Variants in THUMPD2 observed in about 807,000 individuals in gnomAD.
THUMPD2 encodes U6 snRNA (guanine-N(2))-methyltransferase THUMPD2.
A neutral mutation model predicts 49.4 loss-of-function variants in THUMPD2; 56 were observed. The ratio of observed to expected loss-of-function variants is 1.13; its 90% confidence interval spans 0.91 to 1.41. The LOEUF (loss-of-function observed/expected upper bound fraction) is 1.41, where lower values mean the gene tolerates loss of function less well. THUMPD2 is among the 40% of genes most tolerant of loss of function. THUMPD2 has a pLI of 0.00. For synonymous variants in THUMPD2, 237 were observed against 205.2 expected (o/e 1.15, Z -1.32); for missense variants, 709 against 594.5 (o/e 1.19, Z -2.00).
rs534634859 is a variant in THUMPD2 at position 39,744,727 on chromosome 2, T to C, written c.1079-249A>G. The C allele has an allele frequency of 1.9e-5, 5 of 265,484 alleles. No individual in the cohort carries two copies. In the South Asian group the frequency reaches 4.4e-4, roughly 24 times the overall value. The allele number at this position is 265,484 out of a possible 1,614,324, so 16.4% of individuals were successfully genotyped here. ...ACAATAAAATGTAAGTTAAGCAGAA[T>C]TTTACATTAGCCAGAAAACTCAATT... On this transcript the variant is annotated intron_variant, in intron 8 of 9. Coordinates refer to ENST00000505747, the MANE Select transcript of THUMPD2 (RefSeq NM_025264.5).
intron 3 of THUMPD2, chr2:39,768,791 A>G: frequency 2.3e-6 from 2 of 854,982 alleles, no homozygotes; most frequent in Non-Finnish European, 3.3e-6. Context: ...GACCTGATAA[A>G]TATGATCATT....
At chr2:39,756,472 C>CA (rs11311927) in intron 6 of THUMPD2, among the ~76,000 whole-genome samples, 2,503 of 101,928 alleles carry the variant, frequency 0.025, 37 homozygotes, top group African/African-American at 0.056. Context: ...GACTCCATCT[C>CA]AAAAAAAAAA....
intron 6 of THUMPD2, among the ~76,000 whole-genome samples, chr2:39,759,252 G>A (rs1380846654): frequency 2.0e-5 from 3 of 151,788 alleles, no homozygotes; most frequent in South Asian, 2.1e-4. Flanking sequence ...GCTTAGGCCG[G>A]AGAAGTAAAA....
intron 5 of THUMPD2, among the ~76,000 whole-genome samples, chr2:39,764,815 A>C (rs894504560): frequency 2.6e-5 from 4 of 152,186 alleles, no homozygotes; most frequent in African/African-American, 9.6e-5. Flanking sequence ...CAAACTGACT[A>C]AACACAGAGC....
chr2:39,764,595 T>C (rs955319787), intron 5 of THUMPD2, among the ~76,000 whole-genome samples: 2 of 152,236 alleles, frequency 1.3e-5, no homozygotes, highest in African/African-American at 4.8e-5. Flanking sequence ...ATCCTTTAAC[T>C]TCATGGTGCT....
At chr2:39,738,263 A>G (rs1488828600) in intron 9 of THUMPD2, among the ~76,000 whole-genome samples, 1 of 152,348 alleles carries the variant, frequency 6.6e-6, no homozygotes, top group East Asian at 1.9e-4. Context: ...AACAGTTTCA[A>G]CAGTGTCAAA....
At chr2:39,748,954 C>G (rs938104379) in intron 8 of THUMPD2, among the ~76,000 whole-genome samples, 2 of 151,786 alleles carry the variant, frequency 1.3e-5, no homozygotes, top group African/African-American at 4.8e-5. Flanking sequence ...CCACTACACT[C>G]TAGCCTGGGT....
At chr2:39,756,215 A>G (rs567606126) in intron 6 of THUMPD2, among the ~76,000 whole-genome samples, 2 of 152,286 alleles carry the variant, frequency 1.3e-5, no homozygotes, top group East Asian at 3.9e-4. Context: ...AATGGAATCC[A>G]GCACACAAGT....
In THUMPD2 at chr2:39,758,416, C is replaced by T. The variant is rs528668400; in HGVS notation, c.892-2456G>A. Among the ~76,000 whole-genome samples the T allele has an allele frequency of 2.0e-5, 3 of 152,238 alleles. No individual in the cohort carries two copies. The East Asian group carries it at 5.8e-4, about 29-fold the overall frequency. On this transcript the variant is annotated intron_variant, in intron 6 of 9. Coordinates refer to ENST00000505747, the MANE Select transcript of THUMPD2 (RefSeq NM_025264.5). ...GATGCTCAGACCTAGAGGCAACTGGCGCTAAGAGAAGCCCTAGGCTCTGTC... is the reference window on the plus strand; with the variant it reads ...GATGCTCAGACCTAGAGGCAACTGGTGCTAAGAGAAGCCCTAGGCTCTGTC...
In THUMPD2 at chr2:39,755,871, C is replaced by A. The variant is rs777576324; in HGVS notation, c.963+18G>T. On this transcript the variant is annotated intron_variant, in intron 7 of 9. Coordinates refer to ENST00000505747, the MANE Select transcript of THUMPD2 (RefSeq NM_025264.5). The stretch of plus-strand genomic sequence containing the variant: ...TAAAGTAGATAAATTGCTTGCTTTA[C>A]CAAACTTTAGAACTTACTGGCCATT... 107 of 1,612,300 alleles carry A rather than the reference C, an allele frequency of 6.6e-5. 1 individual carries two copies. In the Admixed American group the frequency reaches 1.8e-3, roughly 27 times the overall value.
At chr2:39,740,480 C>T (rs1383022977) in intron 9 of THUMPD2, among the ~76,000 whole-genome samples, 1 of 152,118 alleles carries the variant, frequency 6.6e-6, no homozygotes, top group East Asian at 1.9e-4. Flanking sequence ...AGGACAGTCA[C>T]CATTTATTGT....
intron 1 of THUMPD2, among the ~76,000 whole-genome samples, chr2:39,776,107 G>C (rs1679059480): frequency 6.6e-6 from 1 of 152,070 alleles, no homozygotes; most frequent in Non-Finnish European, 1.5e-5. Flanking sequence ...ACAATAAATA[G>C]CAGTACTTAA....
intron 8 of THUMPD2, among the ~76,000 whole-genome samples, chr2:39,749,744 G>C (rs895439827): frequency 2.6e-5 from 4 of 152,008 alleles, no homozygotes; most frequent in African/African-American, 9.7e-5. Flanking sequence ...TCTTCCTAAT[G>C]CTCTCCCTCC....
rs1455515654 is a variant in THUMPD2, at chr2:39,767,619, AAAAGAATTGG to A, written c.750+795_750+804del. On this transcript the variant is annotated intron_variant, in intron 4 of 9. Transcript: ENST00000505747. Reference sequence around the variant, plus strand: ...ACTCCGTCTCAAAAAAAAAAAAAAAAAAAGAATTGGAAAGGGGCAGATAAGAGAATGATAC... The same window carrying A: ...ACTCCGTCTCAAAAAAAAAAAAAAAAAAAGGGGCAGATAAGAGAATGATAC... Among the ~76,000 whole-genome samples the A allele has an allele frequency of 7.5e-4, 112 of 149,986 alleles. 1 individual carries two copies. The highest frequency in any genetic ancestry group is 8.4e-4 in the Non-Finnish European group (57 of 67,678).
chr2:39,757,357 G>A (rs1309142041), intron 6 of THUMPD2: 1 of 1,296,280 alleles, frequency 7.7e-7, no homozygotes, highest in Admixed American at 2.3e-5. Flanking sequence ...TTCAGTCAGA[G>A]CCATATGGTA....
intron 1 of THUMPD2, among the ~76,000 whole-genome samples, chr2:39,776,199 G>A (rs1324692811): frequency 6.6e-6 from 1 of 152,096 alleles, no homozygotes; most frequent in Non-Finnish European, 1.5e-5. Flanking sequence ...AGTGATATGT[G>A]TTTGTAGATA....
intron 9 of THUMPD2, among the ~76,000 whole-genome samples, chr2:39,744,019 G>T (rs890022215): frequency 6.7e-6 from 1 of 149,694 alleles, no homozygotes; most frequent in Admixed American, 6.7e-5. Flanking sequence ...GTTAAGTGTG[G>T]GGGATTAACA....
chr2:39,761,655 A>G (rs1676841230), intron 5 of THUMPD2, among the ~76,000 whole-genome samples: 1 of 152,204 alleles, frequency 6.6e-6, no homozygotes, highest in Non-Finnish European at 1.5e-5. Flanking sequence ...ACTGAAATTT[A>G]CACTCTCACG....
At position 39,770,098 on chromosome 2, in the gene THUMPD2, T is replaced by C; in HGVS notation, c.284A>G (p.Gln95Arg). 1 of 1,501,418 alleles carries C rather than the reference T, an allele frequency of 6.7e-7. No individual in the cohort carries two copies. Among genetic ancestry groups the C allele is most frequent in the Non-Finnish European group, 8.8e-7 (1 of 1,135,364 alleles). 93.0% of individuals were successfully genotyped at this position (1,501,418 alleles called of 1,614,324 possible). The part of the protein sequence containing the change: ...VSKGKIFNEM[Q>R]RLINEDPGSW... ...TCCTGGATCTTCATTTATAAGTCTT[T>C]GCATTTCATTAAATATTTTTCCTAA... The change falls in exon 3 of 10, where the codon CAA (glutamine) becomes CGA (arginine). Residue 95 changes from glutamine (Q) to arginine (R), a missense_variant. Transcript: ENST00000505747.
Sources: allele counts gnomAD v4.1 joint callset (sites outside exome capture counted in the v4.1 genomes callset), GRCh38; gene constraint gnomAD v4.1.1; transcripts MANE v1.5; gene names NCBI Gene and HGNC (gene_info 2026-07-23, HGNC 2026-07-21).